The following TENM3 variants were observed in gnomAD, a reference collection of about 807,000 sequenced individuals.
TENM3 encodes teneurin-3.
In TENM3, 63 loss-of-function variants were observed where a neutral mutation model predicts 255.1. That is an observed-to-expected ratio of 0.25 (90% CI 0.20 to 0.30). The LOEUF (loss-of-function observed/expected upper bound fraction) is 0.30. Ranked by LOEUF, TENM3 falls within the 10% of genes least tolerant of loss-of-function variation. TENM3 has a pLI of 1.00. For synonymous variants in TENM3, 1,306 were observed against 1,322.3 expected (o/e 0.99, Z 0.27); for missense variants, 2,929 against 3,461.1 (o/e 0.85, Z 3.86).
chr4:182,316,663 T>C (rs1378159504), intron 1 of TENM3, among the ~76,000 whole-genome samples: 4 of 151,944 alleles, frequency 2.6e-5, no homozygotes, highest in Non-Finnish European at 5.9e-5. Context: ...GATACAGTCC[T>C]TTCAGATCAT....
the TENM3 span, among the ~76,000 whole-genome samples, chr4:182,104,174 G>A: frequency 6.6e-6 from 1 of 152,184 alleles, no homozygotes; most frequent in Admixed American, 6.5e-5. Context: ...ATCAGGAAGG[G>A]ATGCACACCA....
intron 3 of TENM3, among the ~76,000 whole-genome samples, chr4:182,424,935 A>T (rs1290251046): frequency 6.6e-6 from 1 of 152,176 alleles, no homozygotes; most frequent in Non-Finnish European, 1.5e-5. Flanking sequence ...TAGAACTATT[A>T]CGTAAAAACT....
At chr4:181,626,528 T>G in the TENM3 span, among the ~76,000 whole-genome samples, 2 of 152,058 alleles carry the variant, frequency 1.3e-5, no homozygotes, top group Non-Finnish European at 2.9e-5. Flanking sequence ...GAAGGGGAAG[T>G]GGAGCCTGCA....
chr4:182,357,051 C>G (rs1431054790), intron 3 of TENM3, among the ~76,000 whole-genome samples: 3 of 152,132 alleles, frequency 2.0e-5, no homozygotes, highest in Admixed American at 2.0e-4. Flanking sequence ...ATGAACTCAT[C>G]ATTTTTTATG....
chr4:182,120,327 C>T, the TENM3 span, among the ~76,000 whole-genome samples: 1 of 152,244 alleles, frequency 6.6e-6, no homozygotes, highest in East Asian at 1.9e-4. Context: ...GTAGGCTGTA[C>T]TATCTAGGTT....
At position 182,621,605 on chromosome 4, in the gene TENM3, AT is replaced by A. The variant is rs1461783745; in HGVS notation, c.750-7045del. On this transcript the variant is annotated intron_variant, in intron 4 of 27. Coordinates refer to ENST00000511685, the MANE Select transcript of TENM3 (RefSeq NM_001080477.4). ...TAGGGAGACCCCCATCTGTACAAAA[AT>A]ATATATAAATATATATATAAAATAT... Among the ~76,000 whole-genome samples, 5 of 112,926 alleles carry A rather than the reference AT, an allele frequency of 4.4e-5. 1 individual carries two copies. The East Asian group carries it at 6.8e-4, about 15-fold the overall frequency. 74.1% of individuals were successfully genotyped at this position (112,926 alleles called of 152,430 possible).
intron 3 of TENM3, among the ~76,000 whole-genome samples, chr4:182,587,760 T>C (rs771811445): frequency 1.8e-4 from 27 of 152,196 alleles, no homozygotes; most frequent in Admixed American, 9.8e-4. Context: ...TACATAGTTA[T>C]TTTTACAATT....
At chr4:182,383,965 C>T (rs764407370) in intron 3 of TENM3, among the ~76,000 whole-genome samples, 3 of 152,182 alleles carry the variant, frequency 2.0e-5, no homozygotes, top group Non-Finnish European at 4.4e-5. Context: ...TGTGCATGCA[C>T]AGTGTATATT....
At chr4:181,935,652 T>A in the TENM3 span, among the ~76,000 whole-genome samples, 3 of 152,164 alleles carry the variant, frequency 2.0e-5, no homozygotes, top group East Asian at 5.8e-4. Flanking sequence ...ATGGCTCATC[T>A]CTGCATGCCG....
At chr4:182,231,293 A>T (rs1230372319) in intron 1 of TENM3, among the ~76,000 whole-genome samples, 1 of 152,110 alleles carries the variant, frequency 6.6e-6, no homozygotes, top group African/African-American at 2.4e-5. Flanking sequence ...CAGACCAAAA[A>T]GTACTGGTCT....
the TENM3 span, among the ~76,000 whole-genome samples, chr4:182,064,617 A>G: frequency 8.9e-4 from 136 of 152,230 alleles, 1 homozygote; most frequent in African/African-American, 2.9e-3. Flanking sequence ...TGAGTAACCA[A>G]TGGGGACCCA....
chr4:182,786,768 T>G (rs1030094103), intron 24 of TENM3, among the ~76,000 whole-genome samples: 8 of 152,122 alleles, frequency 5.3e-5, no homozygotes, highest in Non-Finnish European at 1.0e-4. Context: ...ACATGGGCAA[T>G]AATAACATGG....
chr4:181,571,089 G>T, the TENM3 span, among the ~76,000 whole-genome samples: 1 of 152,152 alleles, frequency 6.6e-6, no homozygotes, highest in African/African-American at 2.4e-5. Flanking sequence ...GTCCCCCTGG[G>T]AAGGAGACAG....
At chr4:182,383,859 C>A (rs1417510316) in intron 3 of TENM3, among the ~76,000 whole-genome samples, 1 of 152,210 alleles carries the variant, frequency 6.6e-6, no homozygotes, top group East Asian at 1.9e-4. Context: ...TGCACACTTA[C>A]AACCAACTCA....
the TENM3 span, among the ~76,000 whole-genome samples, chr4:181,520,747 G>A: frequency 6.6e-6 from 1 of 152,060 alleles, no homozygotes; most frequent in East Asian, 1.9e-4. Context: ...TGAAAATGAA[G>A]ATATGGATAA....
chr4:182,166,496 T>C (rs1751732322), intron 1 of TENM3, among the ~76,000 whole-genome samples: 1 of 151,778 alleles, frequency 6.6e-6, no homozygotes, highest in Non-Finnish European at 1.5e-5. Context: ...TTGGGTATCA[T>C]TTTGCAGCTG....
At chr4:182,774,266 A>T (rs1230003442) in intron 23 of TENM3, among the ~76,000 whole-genome samples, 2 of 151,954 alleles carry the variant, frequency 1.3e-5, no homozygotes, top group Non-Finnish European at 2.9e-5. Flanking sequence ...TTTTTGACTC[A>T]TTTTTTTTAC....
the TENM3 span, among the ~76,000 whole-genome samples, chr4:181,778,000 G>C: frequency 6.6e-6 from 1 of 152,064 alleles, no homozygotes; most frequent in Non-Finnish European, 1.5e-5. Flanking sequence ...CGTTACTTAT[G>C]CTGTAACTCA....
At chr4:182,693,661 A>G (rs28617556) in intron 12 of TENM3, among the ~76,000 whole-genome samples, 32,628 of 152,092 alleles carry the variant, frequency 0.21, 3,604 homozygotes, top group Middle Eastern at 0.26. Flanking sequence ...TGGCTATAAT[A>G]GTACATATAT....
Sources: allele counts gnomAD v4.1 joint callset (sites outside exome capture counted in the v4.1 genomes callset), GRCh38; gene constraint gnomAD v4.1.1; transcripts MANE v1.5; gene names NCBI Gene and HGNC (gene_info 2026-07-23, HGNC 2026-07-21).